The following LIAS variants were observed in gnomAD, a reference collection of about 807,000 sequenced individuals.
LIAS encodes the protein lipoyl synthase, mitochondrial.
In LIAS, 36 loss-of-function variants were observed where a neutral mutation model predicts 49.4. The ratio of observed to expected loss-of-function variants is 0.73; its 90% CI spans 0.56 to 0.96. The LOEUF is 0.96. Ranked by LOEUF, LIAS falls within the 40% of genes least tolerant of loss-of-function variation. LIAS has a pLI of 0.00. For synonymous variants in LIAS, 145 were observed against 155.8 expected, an observed-to-expected ratio of 0.93 and a Z score of 0.52; for missense variants, 399 against 456.3, an observed-to-expected ratio of 0.87 and a Z score of 1.14.
chr4:39,467,850 A>C (rs1744819359), intron 7 of LIAS: 2 of 314,056 alleles, frequency 6.4e-6, no homozygotes, highest in South Asian at 1.8e-4. Context: ...TATCACCCAT[A>C]ATAGTATTTC....
rs1273396836 is a variant in LIAS at position 39,467,582 on chromosome 4, A to G, written c.673A>G (p.Lys225Glu). The change falls in exon 7 of 11, where the codon AAA (lysine) becomes GAA (glutamate). Residue 225 changes from lysine (K) to glutamate (E), a missense_variant. Lys to Glu is a moderately conservative substitution (Grantham distance 56). This residue lies in a region of LIAS where 234 missense variants were observed against 292.2 expected (regional missense o/e 0.80). Coordinates refer to ENST00000640888, the MANE Select transcript of LIAS (RefSeq NM_006859.4). Reference sequence around the variant, plus strand: ...TCGAGGTGATCTCAAAGCAATAGAAAAAGTTGCTCTGTCAGGATTAGATGT... The same window carrying G: ...TCGAGGTGATCTCAAAGCAATAGAAGAAGTTGCTCTGTCAGGATTAGATGT... ...DFRGDLKAIEKVALSGLDVYA... is the reference protein window; with the variant it reads ...DFRGDLKAIEEVALSGLDVYA... The G allele has an allele frequency of 1.2e-6, 2 of 1,607,950 alleles. No homozygotes were observed. The highest frequency in any genetic ancestry group is 3.4e-5 in the Admixed American group (2 of 58,868).
chr4:39,467,846 C>T, intron 7 of LIAS, 200 bp downstream of exon 7: 1 of 327,360 alleles, frequency 3.1e-6, no homozygotes, highest in South Asian at 8.4e-5. Context: ...TAAATATCAC[C>T]CATAATAGTA....
At chr4:39,459,546 G>T (rs987185255) in intron 1 of LIAS, among the ~76,000 whole-genome samples, 4 of 152,220 alleles carry the variant, frequency 2.6e-5, no homozygotes, top group African/African-American at 9.6e-5. Context: ...GGCAGACATT[G>T]AGAAGTGCAG....
chr4:39,473,035 A>G lies in LIAS; in HGVS notation c.955-65A>G, dbSNP rs141807941. On this transcript the variant is annotated intron_variant, in intron 9 of 10. Transcript: ENST00000640888. Reference sequence around the variant, plus strand: ...TGAAGAGCATTCTGCATACATAGGTATAGACTTTCTGCAGAATCAAAGTGG... The same window carrying G: ...TGAAGAGCATTCTGCATACATAGGTGTAGACTTTCTGCAGAATCAAAGTGG... 2,098 of 961,456 alleles carry G rather than the reference A, an allele frequency of 2.2e-3. 24 individuals are homozygous for G. In the African/African-American group the frequency reaches 0.027, roughly 13 times the overall value. The allele number at this position is 961,456 out of a possible 1,614,324, so 59.6% of individuals were successfully genotyped here.
chr4:39,459,985 A>C (rs561674228), intron 1 of LIAS, among the ~76,000 whole-genome samples: 1 of 152,032 alleles, frequency 6.6e-6, no homozygotes, highest in African/African-American at 2.4e-5. Context: ...AAAAGAAAGT[A>C]AAAACGTTAG....
chr4:39,475,681 T>G (rs1180656437), intron 10 of LIAS: 4 of 152,404 alleles, frequency 2.6e-5, no homozygotes, highest in Admixed American at 2.6e-4. Context: ...CTGGGCAACA[T>G]GGCAAAACCC....
chr4:39,460,814 C>A lies in LIAS; in HGVS notation c.70C>A (p.Pro24Thr). ...GGTATTTGGGAGATATTTTTGCAGC[C>A]CAGTCAGACCGTTAAGCTCCTTGCC... ...PRVFGRYFCS[P>T]VRPLSSLPDK... The change falls in exon 2 of 11, where the codon CCA becomes ACA. Residue 24 changes from proline (P) to threonine (T), a missense_variant. Pro to Thr is a conservative substitution (Grantham distance 38). Around this residue, in one of 3 missense-constraint regions of LIAS, gnomAD observed 159 missense variants for 147.6 expected, o/e 1.08. Coordinates refer to ENST00000640888, the MANE Select transcript of LIAS (RefSeq NM_006859.4). 3 of 1,585,170 alleles carry A rather than the reference C, an allele frequency of 1.9e-6. No individual in the cohort carries two copies. The highest frequency in any genetic ancestry group is 1.2e-5 in the South Asian group (1 of 84,570).
At chr4:39,463,242 C>T (rs184243735) in intron 3 of LIAS, among the ~76,000 whole-genome samples, 4 of 152,020 alleles carry the variant, frequency 2.6e-5, no homozygotes, top group Admixed American at 2.0e-4. Flanking sequence ...CACATTACCA[C>T]GCCTGACTAA....
intron 6 of LIAS, 61 bp from the exon 7 acceptor site, chr4:39,467,457 T>A: frequency 6.8e-7 from 1 of 1,466,992 alleles, no homozygotes; most frequent in South Asian, 1.4e-5. Context: ...TAATTTCTAT[T>A]TTGAGGAACA....
chr4:39,471,432 C>T, intron 9 of LIAS, 126 bp downstream of exon 9: 2 of 647,500 alleles, frequency 3.1e-6, no homozygotes, highest in Non-Finnish European at 2.5e-6. Flanking sequence ...TTCCTGGGTT[C>T]AGGTGATTCT....
intron 4 of LIAS, 146 bp from the exon 5 acceptor site, chr4:39,464,900 G>T (rs1490904569): frequency 1.5e-5 from 9 of 593,486 alleles, no homozygotes; most frequent in Non-Finnish European, 2.4e-5. Flanking sequence ...TATGTTCCTT[G>T]ACTATCATTT....
intron 10 of LIAS, chr4:39,473,958 TATA>T (rs1470517566): frequency 6.6e-6 from 1 of 152,114 alleles, no homozygotes; most frequent in African/African-American, 2.4e-5. Context: ...ACTTAACAAT[TATA>T]ATGATTAAGA....
rs749624579 is a variant in LIAS, at chr4:39,465,218, T to A, written c.550+16T>A. 1 of 1,613,020 alleles carries A rather than the reference T, an allele frequency of 6.2e-7. No individual in the cohort carries two copies. The highest frequency in any genetic ancestry group is 8.5e-7 in the Non-Finnish European group (1 of 1,179,218). On this transcript the variant is annotated intron_variant, in intron 5 of 10. Coordinates refer to ENST00000640888, the MANE Select transcript of LIAS (RefSeq NM_006859.4). Reference sequence around the variant, plus strand: ...GATCGAGATGGTTAGTGTGTCATCATGGCCTCTACCAGAAACTGGCTCTAA... The same window carrying A: ...GATCGAGATGGTTAGTGTGTCATCAAGGCCTCTACCAGAAACTGGCTCTAA...
intron 8 of LIAS, 83 bp downstream of exon 8, chr4:39,470,247 G>A (rs2109883270): frequency 5.9e-6 from 7 of 1,189,234 alleles, no homozygotes; most frequent in South Asian, 1.8e-5. Context: ...GCCCTTCTAA[G>A]AACAAAGAAA....
chr4:39,463,255 T>G (rs1018061233), intron 3 of LIAS, among the ~76,000 whole-genome samples: 1 of 152,096 alleles, frequency 6.6e-6, no homozygotes, highest in Non-Finnish European at 1.5e-5. Flanking sequence ...CTGACTAACT[T>G]TGATTTTTTG....
At chr4:39,476,735 T>G in intron 10 of LIAS, 1 of 190,258 alleles carries the variant, frequency 5.3e-6, no homozygotes, top group Non-Finnish European at 1.1e-5. Flanking sequence ...GAGCAATACT[T>G]TGACAGTGAT....
In LIAS at chr4:39,478,243, C is replaced by G. The variant is rs1041301019; in HGVS notation, c.*1128C>G. On this transcript the variant is annotated 3_prime_UTR_variant, in exon 11 of 11. Coordinates refer to ENST00000640888, the MANE Select transcript of LIAS (RefSeq NM_006859.4). ...TGTTGGCCAGATGTGGTGGCTCATG[C>G]CTGTAATTCCAGCACTCTGAGAGGC... The G allele has an allele frequency of 6.6e-6, 1 of 152,154 alleles. No individual in the cohort carries two copies. Among genetic ancestry groups the G allele is most frequent in the Admixed American group, 6.5e-5 (1 of 15,282 alleles). 9.4% of individuals were successfully genotyped at this position (152,154 alleles called of 1,614,324 possible). A position where few individuals can be genotyped will look rare whatever the true frequency, so the allele number is the denominator to read the frequency against.
chr4:39,464,968 A>G, intron 4 of LIAS, 78 bp from the exon 5 acceptor site: 1 of 1,217,906 alleles, frequency 8.2e-7, no homozygotes, highest in Non-Finnish European at 1.2e-6. Context: ...ATTCTTTGCA[A>G]CTTGCTTTAT....
At chr4:39,467,341 C>CTTTT in intron 6 of LIAS, 177 bp from the exon 7 acceptor site, 1 of 379,638 alleles carries the variant, frequency 2.6e-6, no homozygotes, top group Non-Finnish European at 4.4e-6. Context: ...TAACGGTCTG[C>CTTTT]TTTTTTTTTT....
Sources: allele counts gnomAD v4.1 joint callset (sites outside exome capture counted in the v4.1 genomes callset), GRCh38; gene constraint gnomAD v4.1.1; regional missense constraint gnomAD v4.1.1; transcripts MANE v1.5; gene names NCBI Gene and HGNC (gene_info 2026-07-23, HGNC 2026-07-21).